Variants in DTNB observed in about 807,000 individuals in gnomAD.
DTNB encodes dystrobrevin beta, also known as DTN-B.
Under a neutral mutation model 90.7 loss-of-function variants are expected in DTNB, and 63 were observed. The ratio of observed to expected loss-of-function variants is 0.69; its 90% CI spans 0.57 to 0.86. The LOEUF (loss-of-function observed/expected upper bound fraction) is 0.86, where lower values mean the gene tolerates loss of function less well. DTNB is among the 40% of genes least tolerant of loss of function. The pLI is 0.00. For synonymous variants in DTNB, 277 were observed against 286.7 expected, an observed-to-expected ratio of 0.97 and a Z score of 0.34; for missense variants, 744 against 807.1, an observed-to-expected ratio of 0.92 and a Z score of 0.95.
At chr2:25,558,067 A>C in intron 8 of DTNB, 1 of 356,144 alleles carries the variant, frequency 2.8e-6, no homozygotes, top group Non-Finnish European at 3.9e-6. Context: ...AAGGTGTGCA[A>C]GAGAATGCCG....
chr2:25,593,672 A>G (rs760669876), intron 6 of DTNB, among the ~76,000 whole-genome samples: 131 of 152,360 alleles, frequency 8.6e-4, no homozygotes, highest in African/African-American at 1.0e-3. Context: ...GTATGTCATA[A>G]GGTTAATTTG....
At chr2:25,442,676 G>A (rs1362703293) in intron 12 of DTNB, among the ~76,000 whole-genome samples, 1 of 152,206 alleles carries the variant, frequency 6.6e-6, no homozygotes, top group East Asian at 1.9e-4. Context: ...CACTGGTAGT[G>A]TATATCTGAC....
chr2:25,580,238 C>T (rs1001369682), intron 7 of DTNB, among the ~76,000 whole-genome samples: 1 of 152,006 alleles, frequency 6.6e-6, no homozygotes, highest in African/African-American at 2.4e-5. Flanking sequence ...GCTTCGGCCT[C>T]CCAAAGTGCT....
chr2:25,464,101 G>A (rs2061420716), intron 10 of DTNB, among the ~76,000 whole-genome samples: 1 of 152,184 alleles, frequency 6.6e-6, no homozygotes, highest in African/African-American at 2.4e-5. Context: ...TAGAGTTGGG[G>A]TTTCGCCATG....
chr2:25,426,301 C>T (rs2051577073), intron 15 of DTNB, among the ~76,000 whole-genome samples: 1 of 152,150 alleles, frequency 6.6e-6, no homozygotes, highest in Admixed American at 6.5e-5. Context: ...CTGCCTTCAC[C>T]AACATGAGCA....
At chr2:25,540,139 T>C (rs1325138943) in intron 8 of DTNB, among the ~76,000 whole-genome samples, 1 of 152,192 alleles carries the variant, frequency 6.6e-6, no homozygotes, top group East Asian at 1.9e-4. Context: ...CCCTTTGCAC[T>C]TTCCACTTAA....
At chr2:25,445,454 G>A (rs1189265344) in intron 12 of DTNB, among the ~76,000 whole-genome samples, 2 of 152,190 alleles carry the variant, frequency 1.3e-5, no homozygotes, top group East Asian at 3.8e-4. Flanking sequence ...AAAGGGATAA[G>A]TTACTTTTTG....
At chr2:25,618,683 G>C (rs143446645) in intron 4 of DTNB, among the ~76,000 whole-genome samples, 138 of 152,288 alleles carry the variant, frequency 9.1e-4, no homozygotes, top group Middle Eastern at 3.4e-3. Flanking sequence ...AGATAAACAG[G>C]TAATATTTGT....
At chr2:25,401,626 A>G (rs192519700) in intron 16 of DTNB, among the ~76,000 whole-genome samples, 1 of 152,348 alleles carries the variant, frequency 6.6e-6, no homozygotes, top group African/African-American at 2.4e-5. Context: ...CTTTTTCCTC[A>G]TGGAATAGGG....
At chr2:25,543,925 A>T (rs746073450) in intron 8 of DTNB, among the ~76,000 whole-genome samples, 4 of 152,218 alleles carry the variant, frequency 2.6e-5, no homozygotes, top group Non-Finnish European at 2.9e-5. Context: ...ATGTTAACAT[A>T]TAGGCACAGA....
intron 1 of DTNB, among the ~76,000 whole-genome samples, chr2:25,663,986 G>A (rs1366392194): frequency 6.6e-6 from 1 of 152,090 alleles, no homozygotes; most frequent in Non-Finnish European, 1.5e-5. Context: ...ACTGGATTAT[G>A]ACTGACAATC....
chr2:25,621,646 G>A (rs1202774256), intron 4 of DTNB, among the ~76,000 whole-genome samples: 3 of 142,434 alleles, frequency 2.1e-5, no homozygotes. Flanking sequence ...TAGTAGAGAT[G>A]GGGTTTCTCC....
At chr2:25,479,233 T>A (rs769847308) in intron 10 of DTNB, among the ~76,000 whole-genome samples, 2 of 152,154 alleles carry the variant, frequency 1.3e-5, no homozygotes, top group Non-Finnish European at 2.9e-5. Context: ...TAGAAGACAT[T>A]TAAAAATAAA....
chr2:25,612,854 CCACCAAAG>C (rs1291873236), intron 4 of DTNB, among the ~76,000 whole-genome samples: 1 of 152,126 alleles, frequency 6.6e-6, no homozygotes, highest in African/African-American at 2.4e-5. Context: ...AAAACACAAA[CCACCAAAG>C]CTCACTCAAG....
In DTNB at chr2:25,407,098, A is replaced by G. The variant is rs2045386591; in HGVS notation, c.1575+12417T>C. 3.9e-5 allele frequency among the ~76,000 whole-genome samples: 6 copies of G among 152,240 alleles called. No individual in the cohort carries two copies. In the South Asian group the frequency reaches 1.2e-3, roughly 31 times the overall value. On this transcript the variant is annotated intron_variant, in intron 16 of 20. Transcript: ENST00000406818. ...TGGCATGGATCCTTATTATAATAAA[A>G]GTGCCACTTTAGCAAATGACATGAC...
At chr2:25,582,154 G>A (rs1437064064) in intron 6 of DTNB, among the ~76,000 whole-genome samples, 1 of 152,180 alleles carries the variant, frequency 6.6e-6, no homozygotes, top group Non-Finnish European at 1.5e-5. Flanking sequence ...AGATATTGCT[G>A]GCTGATTACA....
chr2:25,445,460 T>G (rs1268794764), intron 12 of DTNB, among the ~76,000 whole-genome samples: 1 of 152,220 alleles, frequency 6.6e-6, no homozygotes, highest in Non-Finnish European at 1.5e-5. Context: ...ATAAGTTACT[T>G]TTTGGGGGAG....
intron 8 of DTNB, among the ~76,000 whole-genome samples, chr2:25,572,217 C>T (rs1025835783): frequency 3.2e-4 from 49 of 152,238 alleles, no homozygotes; most frequent in African/African-American, 1.2e-3. Context: ...CCTGTAATCC[C>T]AGCACTTTGG....
chr2:25,517,911 A>G (rs575110032), intron 9 of DTNB, among the ~76,000 whole-genome samples: 278 of 152,342 alleles, frequency 1.8e-3, no homozygotes, highest in African/African-American at 6.4e-3. Context: ...TGCAACACAG[A>G]TACTGCAACA....
Sources: gnomAD v4.1 joint callset for allele counts (sites outside exome capture counted in the v4.1 genomes callset) on GRCh38, gnomAD v4.1.1 for gene constraint, MANE v1.5 for transcripts, NCBI Gene and HGNC (gene_info 2026-07-23, HGNC 2026-07-21) for gene names.